The following ABLIM1 variants were observed in gnomAD, a reference collection of about 807,000 sequenced individuals.
The protein encoded by ABLIM1 is actin-binding LIM protein 1.
A neutral mutation model predicts 107.0 loss-of-function variants in ABLIM1; 40 were observed. That is an observed-to-expected ratio of 0.37 (90% CI 0.29 to 0.49). The LOEUF (loss-of-function observed/expected upper bound fraction) is 0.49, where lower values mean the gene tolerates loss of function less well. ABLIM1 is among the 20% of genes least tolerant of loss of function. The pLI, the probability that ABLIM1 is intolerant of heterozygous loss-of-function variation, is 0.97. For synonymous variants in ABLIM1, 357 were observed against 357.3 expected (o/e 1.00, Z 0.01); for missense variants, 857 against 1,008.5 (o/e 0.85, Z 2.04).
chr10:114,746,224 T>A (rs808322), intron 1 of ABLIM1, among the ~76,000 whole-genome samples: 4 of 151,938 alleles, frequency 2.6e-5, no homozygotes, highest in Admixed American at 6.6e-5. Context: ...ACCCTTTGAC[T>A]ACTATCATCT....
intron 1 of ABLIM1, among the ~76,000 whole-genome samples, chr10:114,729,656 G>A (rs1201396760): frequency 6.6e-6 from 1 of 152,066 alleles, no homozygotes; most frequent in Non-Finnish European, 1.5e-5. Flanking sequence ...CTGAGAAAAT[G>A]AGACCATACA....
At position 114,699,353 on chromosome 10, in the gene ABLIM1, G is replaced by A. The variant is rs115263962; in HGVS notation, c.-213+68708C>T. Among the ~76,000 whole-genome samples the A allele has an allele frequency of 9.4e-3, 1,429 of 152,200 alleles. 25 individuals carry two copies. Among genetic ancestry groups the A allele is most frequent in the African/African-American group, 0.033 (1,376 of 41,532 alleles). ...CAGTCACAGTGTCTGCTTCTGCAGT[G>A]AAGAATATTTGCATAATTTTAATGT... On this transcript the variant is annotated intron_variant, in intron 1 of 15. Transcript: ENST00000651092.
intron 1 of ABLIM1, among the ~76,000 whole-genome samples, chr10:114,710,373 A>T (rs1287241036): frequency 6.6e-6 from 1 of 152,220 alleles, no homozygotes; most frequent in Non-Finnish European, 1.5e-5. Flanking sequence ...ATGGCAGAAA[A>T]GCAAGGGATA....
At chr10:114,451,762 A>C in intron 13 of ABLIM1, 91 bp from the exon 14 acceptor site, 1 of 1,131,978 alleles carries the variant, frequency 8.8e-7, no homozygotes, top group African/African-American at 1.6e-5. Context: ...CAAACTGAAG[A>C]TCTTGAACAA....
intron 1 of ABLIM1, among the ~76,000 whole-genome samples, chr10:114,607,022 A>G (rs548790112): frequency 1.7e-3 from 261 of 152,154 alleles, no homozygotes; most frequent in African/African-American, 5.8e-3. Context: ...CCAGGCCCTC[A>G]ACTCCTTTTT....
chr10:114,624,187 T>G (rs1200619673), intron 1 of ABLIM1, among the ~76,000 whole-genome samples: 1 of 152,236 alleles, frequency 6.6e-6, no homozygotes, highest in Non-Finnish European at 1.5e-5. Context: ...CACCACTCAC[T>G]GATCACTGAA....
intron 1 of ABLIM1, among the ~76,000 whole-genome samples, chr10:114,750,745 A>C (rs1389364304): frequency 6.6e-6 from 1 of 152,226 alleles, no homozygotes; most frequent in Non-Finnish European, 1.5e-5. Context: ...AACAGGCATT[A>C]AAGTCTTATT....
chr10:114,774,963 T>A, the ABLIM1 span, among the ~76,000 whole-genome samples: 1 of 152,176 alleles, frequency 6.6e-6, no homozygotes, highest in Non-Finnish European at 1.5e-5. Flanking sequence ...GTTCTCACAC[T>A]GCTATAACGA....
intron 6 of ABLIM1, among the ~76,000 whole-genome samples, chr10:114,530,950 T>C (rs559457539): frequency 6.6e-6 from 1 of 152,348 alleles, no homozygotes; most frequent in South Asian, 2.1e-4. Context: ...TAATCATTTA[T>C]CCACACACCT....
intron 1 of ABLIM1, among the ~76,000 whole-genome samples, chr10:114,684,122 A>G (rs937609548): frequency 6.6e-6 from 1 of 152,228 alleles, no homozygotes; most frequent in Non-Finnish European, 1.5e-5. Flanking sequence ...TGCATTTTAT[A>G]CAGATATGTA....
intron 6 of ABLIM1, among the ~76,000 whole-genome samples, chr10:114,504,995 C>A (rs1455290858): frequency 6.7e-6 from 1 of 149,492 alleles, no homozygotes; most frequent in Non-Finnish European, 1.5e-5. Context: ...AAGCCATTTT[C>A]TTTCCAAACA....
intron 8 of ABLIM1, among the ~76,000 whole-genome samples, chr10:114,474,669 C>T (rs547949926): frequency 5.3e-5 from 8 of 152,244 alleles, no homozygotes; most frequent in African/African-American, 1.7e-4. Context: ...CGTGAGCCAC[C>T]GCACTCAGCC....
At chr10:114,636,277 G>A (rs1013452170) in intron 1 of ABLIM1, among the ~76,000 whole-genome samples, 2 of 152,182 alleles carry the variant, frequency 1.3e-5, no homozygotes, top group African/African-American at 2.4e-5. Flanking sequence ...GAGGAGCAGG[G>A]AGAGGCTCAA....
the ABLIM1 span, among the ~76,000 whole-genome samples, chr10:114,783,678 A>C: frequency 6.6e-6 from 1 of 152,036 alleles, no homozygotes; most frequent in Non-Finnish European, 1.5e-5. Flanking sequence ...GTGGTCACTT[A>C]TCTCTCTCGG....
chr10:114,572,212 C>T (rs1312496133), intron 3 of ABLIM1, among the ~76,000 whole-genome samples: 1 of 152,156 alleles, frequency 6.6e-6, no homozygotes, highest in Non-Finnish European at 1.5e-5. Context: ...CAATAATCTT[C>T]ATTAAAGTGA....
intron 1 of ABLIM1, among the ~76,000 whole-genome samples, chr10:114,639,656 A>G (rs2078647016): frequency 6.6e-6 from 1 of 152,234 alleles, no homozygotes; most frequent in South Asian, 2.1e-4. Context: ...AGCGTTGCAT[A>G]GGTTCAGAAG....
chr10:114,782,388 A>T, the ABLIM1 span, among the ~76,000 whole-genome samples: 7 of 152,158 alleles, frequency 4.6e-5, no homozygotes, highest in East Asian at 7.7e-4. Context: ...TTAAGGGAAC[A>T]CAAGGAACTA....
upstream of ABLIM1, among the ~76,000 whole-genome samples, chr10:114,661,140 C>T (rs776299524): frequency 5.3e-5 from 8 of 152,000 alleles, no homozygotes; most frequent in Non-Finnish European, 1.0e-4. Flanking sequence ...TATTCAATAA[C>T]GGAATTATAC....
chr10:114,497,073 G>C (rs1478913272), intron 6 of ABLIM1, among the ~76,000 whole-genome samples: 1 of 151,846 alleles, frequency 6.6e-6, no homozygotes, highest in Non-Finnish European at 1.5e-5. Context: ...GTTATTTTTA[G>C]GAGAAGGAGA....
Sources: gnomAD v4.1 joint callset for allele counts (sites outside exome capture counted in the v4.1 genomes callset) on GRCh38, gnomAD v4.1.1 for gene constraint, MANE v1.5 for transcripts, NCBI Gene and HGNC (gene_info 2026-07-23, HGNC 2026-07-21) for gene names.